The following URGCP variants were observed in gnomAD, a reference collection of about 807,000 sequenced individuals.
URGCP encodes upregulator of cell proliferation, also known as up-regulator of cell proliferation.
In URGCP, 13 loss-of-function variants were observed where a neutral mutation model predicts 24.6. The ratio of observed to expected loss-of-function variants is 0.53; its 90% CI spans 0.34 to 0.84. The LOEUF (loss-of-function observed/expected upper bound fraction) is 0.84. Among genes scored for constraint, URGCP ranks in the 40% least tolerant of loss-of-function variants. The probability of loss-of-function intolerance (pLI) is 0.01; values close to 1 mark genes in which losing one functional copy is unlikely to be tolerated. For missense variants in URGCP, 899 were observed against 1,194.3 expected, an observed-to-expected ratio of 0.75 and a Z score of 3.64; for synonymous variants, 444 against 487.2, an observed-to-expected ratio of 0.91 and a Z score of 1.17.
intron 1 of URGCP, chr7:43,905,888 A>G (rs2095901052): frequency 6.6e-6 from 1 of 152,232 alleles, no homozygotes; most frequent in South Asian, 2.1e-4. Flanking sequence ...ATTACAAACT[A>G]TATGTGTCGC....
At chr7:43,883,424 G>A (rs1366134110) in intron 3 of URGCP, among the ~76,000 whole-genome samples, 2 of 144,790 alleles carry the variant, frequency 1.4e-5, no homozygotes, top group South Asian at 2.2e-4. Context: ...GCAGTGGCGC[G>A]ATCTCAGCTC....
intron 3 of URGCP, among the ~76,000 whole-genome samples, chr7:43,883,348 ATATATATATATATATTTTT>A (rs2095857187): frequency 1.0e-5 from 1 of 95,890 alleles, no homozygotes; most frequent in African/African-American, 6.5e-5. Flanking sequence ...ATATATATAT[ATATATATATATATATTTTT>A]TTTTTTTTTT....
rs999020996 is a variant in URGCP at position 43,892,210 on chromosome 7, G to A, written c.15-4394C>T. ...GGGGAATACAGGTGTGAGCCACTGC[G>A]CCCAGCCAATTTTTTTTTTTTTTTT... On this transcript the variant is annotated intron_variant, in intron 1 of 5. Coordinates refer to ENST00000453200, the MANE Select transcript of URGCP (RefSeq NM_001077663.3). Among the ~76,000 whole-genome samples, 12 of 149,068 alleles carry A rather than the reference G, an allele frequency of 8.1e-5. No homozygotes were observed. In the South Asian group the frequency reaches 2.1e-3, roughly 26 times the overall value.
At chr7:43,899,577 A>G (rs1328667147) in intron 1 of URGCP, among the ~76,000 whole-genome samples, 1 of 152,200 alleles carries the variant, frequency 6.6e-6, no homozygotes, top group Admixed American at 6.5e-5. Flanking sequence ...AATAGAACAT[A>G]ATAATTAAAT....
upstream of URGCP, chr7:43,906,714 T>C (rs1170901428): frequency 1.5e-6 from 1 of 654,384 alleles, no homozygotes; most frequent in Non-Finnish European, 1.8e-6. Flanking sequence ...TGAGGTGGGG[T>C]AAGGTGGGCC....
upstream of URGCP, among the ~76,000 whole-genome samples, chr7:43,907,573 G>A (rs2132719038): frequency 6.7e-6 from 1 of 149,828 alleles, no homozygotes; most frequent in East Asian, 2.0e-4. Context: ...ATACAAGACA[G>A]CAAAGCAGTG....
chr7:43,909,737 A>T (rs1041967230), upstream of URGCP, among the ~76,000 whole-genome samples: 1 of 124,098 alleles, frequency 8.1e-6, no homozygotes, highest in Non-Finnish European at 2.0e-5. Context: ...AAATAATTTA[A>T]AAAATAATAA....
exon 1 of URGCP, chr7:43,926,398 G>A (rs571954511): frequency 1.4e-4 from 95 of 682,256 alleles, no homozygotes; most frequent in Admixed American, 4.1e-4. Flanking sequence ...ACGCGGCGAC[G>A]ACGGCCCCAC....
rs936177864 is a variant in URGCP, at chr7:43,918,998, C to A, written c.-116+7134G>T. 13 of 1,241,820 alleles carry A rather than the reference C, an allele frequency of 1.0e-5. No homozygotes were observed. The African/African-American group carries it at 1.8e-4, about 17-fold the overall frequency. 76.9% of individuals were successfully genotyped at this position (1,241,820 alleles called of 1,614,324 possible). On this transcript the variant is annotated intron_variant, in intron 1 of 5. Transcript: ENST00000426198. The stretch of plus-strand genomic sequence containing the variant: ...TGTCGGAGCATGGGGGAAGAGCTGG[C>A]AACAACTGGGCCAGCAGATTCTCCC...
intron 1 of URGCP, among the ~76,000 whole-genome samples, chr7:43,893,372 A>G (rs933561394): frequency 1.3e-5 from 2 of 152,214 alleles, no homozygotes; most frequent in South Asian, 4.1e-4. Context: ...AAATGAAAAA[A>G]TTAGCTGGGC....
In URGCP at chr7:43,877,911, C is replaced by T. The variant is rs1007910860; in HGVS notation, c.1552G>A (p.Val518Met). Residue 518 changes from valine (V) to methionine (M), a missense_variant, in exon 6 of 6, where the codon GTG (valine) becomes ATG (methionine). Val to Met is a conservative substitution (Grantham distance 21, BLOSUM62 1). Coordinates refer to ENST00000453200, the MANE Select transcript of URGCP (RefSeq NM_001077663.3). ...GCCCTGTGCTTCTCAGGGGGGTCCA[C>T]GGCCCACTGGAGCTGGCAGAACTCC... The part of the protein sequence containing the change: ...EKEFCQLQWA[V>M]DPPEKHRAEL... 4.3e-6 allele frequency: 7 copies of T among 1,613,874 alleles called. No individual in the cohort carries two copies. Among genetic ancestry groups the T allele is most frequent in the East Asian group, 2.2e-5 (1 of 44,882 alleles).
intron 5 of URGCP, among the ~76,000 whole-genome samples, 183 bp downstream of exon 5, chr7:43,881,474 GTT>G (rs751531869): frequency 2.4e-4 from 30 of 127,292 alleles, no homozygotes; most frequent in Admixed American, 4.8e-4. Context: ...GCTTCCCAGG[GTT>G]TTTTTTTTTT....
upstream of URGCP, among the ~76,000 whole-genome samples, chr7:43,910,250 C>A (rs1402331271): frequency 2.0e-5 from 3 of 152,170 alleles, no homozygotes; most frequent in African/African-American, 7.2e-5. Context: ...CGGTCTCACT[C>A]TGTTGCCCAG....
intron 1 of URGCP, among the ~76,000 whole-genome samples, chr7:43,890,283 C>T (rs562676379): frequency 3.9e-4 from 55 of 142,798 alleles, no homozygotes; most frequent in African/African-American, 1.4e-3. Context: ...GGCGTGATCT[C>T]GACTCACTGC....
intron 1 of URGCP, among the ~76,000 whole-genome samples, chr7:43,913,017 A>G (rs935154083): frequency 6.6e-6 from 1 of 150,584 alleles, no homozygotes; most frequent in Non-Finnish European, 1.5e-5. Flanking sequence ...TGCCCAGCTA[A>G]TTTTTATATT....
chr7:43,924,657 G>A (rs2095926519), intron 1 of URGCP, among the ~76,000 whole-genome samples: 1 of 152,188 alleles, frequency 6.6e-6, no homozygotes, highest in Non-Finnish European at 1.5e-5. Context: ...TGATGCTTGA[G>A]CTGGCTTTGG....
intron 5 of URGCP, chr7:43,881,156 CT>C: frequency 1.4e-6 from 1 of 700,286 alleles, no homozygotes; most frequent in Non-Finnish European, 2.6e-6. Flanking sequence ...CATGGAATAA[CT>C]TTTTATTTTT....
intron 1 of URGCP, among the ~76,000 whole-genome samples, chr7:43,903,235 AT>A (rs1185877548): frequency 6.6e-6 from 1 of 152,238 alleles, no homozygotes; most frequent in African/African-American, 2.4e-5. Flanking sequence ...CATGGAAAGA[AT>A]TTCAAGGCAT....
rs1226662185 is a variant in URGCP at position 43,877,100 on chromosome 7, C to G, written c.2363G>C (p.Ser788Thr). The G allele has an allele frequency of 6.2e-7, 1 of 1,614,242 alleles. No homozygotes were observed. The highest frequency in any genetic ancestry group is 8.5e-7 in the Non-Finnish European group (1 of 1,180,034). The change falls in exon 6 of 6, where the codon AGT becomes ACT. Residue 788 changes from serine (S) to threonine (T), a missense_variant. Coordinates refer to ENST00000453200, the MANE Select transcript of URGCP (RefSeq NM_001077663.3). ...TGGAATGTCCTTGGTTTCAGCTAGA[C>G]TGATCACGGTGACATTGCTCAGTCC... Reference protein sequence around the residue: ...LMGLSNVTVISLAETKDIPAA... With the variant: ...LMGLSNVTVITLAETKDIPAA...
Sources: gnomAD v4.1 joint callset for allele counts (sites outside exome capture counted in the v4.1 genomes callset) on GRCh38, gnomAD v4.1.1 for gene constraint, MANE v1.5 for transcripts, NCBI Gene and HGNC (gene_info 2026-07-23, HGNC 2026-07-21) for gene names.